DCC: variants seen among roughly 807,000 people sequenced by gnomAD.
DCC encodes netrin receptor DCC.
Under a neutral mutation model 172.5 loss-of-function variants are expected in DCC, and 58 were observed. The observed-to-expected ratio is 0.34, with a 90% CI of 0.27 to 0.42. DCC has a LOEUF of 0.42. Among genes scored for constraint, DCC ranks in the 10% least tolerant of loss-of-function variants. The pLI, the probability that DCC is intolerant of heterozygous loss-of-function variation, is 1.00. For missense variants in DCC, 1,740 were observed against 1,791.0 expected (o/e 0.97, Z 0.51); for synonymous variants, 709 against 644.5 (o/e 1.10, Z -1.52).
intron 12 of DCC, among the ~76,000 whole-genome samples, chr18:53,297,194 G>A (rs1478326884): frequency 6.6e-6 from 1 of 152,180 alleles, no homozygotes; most frequent in East Asian, 1.9e-4. Context: ...ACAGAAAGCA[G>A]TGTTTTAATG....
chr18:52,431,290 A>G (rs948259066), intron 1 of DCC, among the ~76,000 whole-genome samples: 7 of 152,162 alleles, frequency 4.6e-5, no homozygotes, highest in Non-Finnish European at 1.5e-5. Flanking sequence ...GATTGATGAA[A>G]AAAAATAAGA....
intron 8 of DCC, among the ~76,000 whole-genome samples, chr18:53,166,347 G>A (rs775897084): frequency 3.9e-5 from 6 of 152,074 alleles, no homozygotes; most frequent in East Asian, 1.9e-4. Flanking sequence ...CCCAAGGGCC[G>A]TGGAAATAGG....
intron 17 of DCC, among the ~76,000 whole-genome samples, chr18:53,395,019 G>T (rs1045383830): frequency 6.6e-6 from 1 of 151,478 alleles, no homozygotes; most frequent in Non-Finnish European, 1.5e-5. Context: ...TGGGGGGGCG[G>T]GGCGCCTGTA....
intron 19 of DCC, among the ~76,000 whole-genome samples, chr18:53,407,207 G>A (rs1467935565): frequency 6.6e-6 from 1 of 152,052 alleles, no homozygotes; most frequent in Non-Finnish European, 1.5e-5. Flanking sequence ...CAATTTTCCA[G>A]TTTCATCATG....
chr18:52,639,754 G>A (rs1283059785), intron 1 of DCC, among the ~76,000 whole-genome samples: 1 of 152,032 alleles, frequency 6.6e-6, no homozygotes, highest in African/African-American at 2.4e-5. Flanking sequence ...TTCAGGACCA[G>A]ATGGATTCAC....
intron 1 of DCC, among the ~76,000 whole-genome samples, chr18:52,715,554 C>T (rs890794615): frequency 6.6e-6 from 1 of 152,130 alleles, no homozygotes; most frequent in Non-Finnish European, 1.5e-5. Flanking sequence ...ATCTGCCTGC[C>T]TCAGCCTCCC....
In DCC at chr18:53,026,070, T is replaced by C. The variant is rs180685311; in HGVS notation, c.986-37235T>C. ...TCAGGGTGATTGGTCATGGGACTCA[T>C]GTGAGTTAATAAAATAATATCCAAG... is the stretch of plus-strand genomic sequence containing the variant. On this transcript the variant is annotated intron_variant, in intron 5 of 28. Transcript: ENST00000442544. 1.4e-3 allele frequency among the ~76,000 whole-genome samples: 215 copies of C among 152,154 alleles called. 1 individual carries two copies. The highest frequency in any genetic ancestry group is 4.8e-3 in the African/African-American group (201 of 41,554).
At chr18:52,815,919 T>A (rs966990949) in intron 2 of DCC, among the ~76,000 whole-genome samples, 1 of 151,708 alleles carries the variant, frequency 6.6e-6, no homozygotes, top group Non-Finnish European at 1.5e-5. Context: ...GTTTGCACAT[T>A]TACAACAGAG....
chr18:53,098,303 A>G lies in DCC; in HGVS notation c.1261+32137A>G, dbSNP rs567729997. Among the ~76,000 whole-genome samples the G allele has an allele frequency of 6.6e-5, 10 of 152,300 alleles. No individual in the cohort carries two copies. In the East Asian group the frequency reaches 1.2e-3, roughly 18 times the overall value. On this transcript the variant is annotated intron_variant, in intron 7 of 28. Coordinates refer to ENST00000442544, the MANE Select transcript of DCC (RefSeq NM_005215.4). ...AAGAATTCTTATGTTCTCTTTTTAC[A>G]GAGACCTTACTAAGATTTTGCCGAT...
At chr18:53,096,545 A>G (rs988044276) in intron 7 of DCC, among the ~76,000 whole-genome samples, 2 of 152,258 alleles carry the variant, frequency 1.3e-5, no homozygotes, top group Admixed American at 1.3e-4. Flanking sequence ...GTGTGATTCC[A>G]TGGGAGACTC....
intron 1 of DCC, among the ~76,000 whole-genome samples, chr18:52,684,276 G>C (rs76300430): frequency 6.6e-6 from 1 of 152,068 alleles, no homozygotes; most frequent in Non-Finnish European, 1.5e-5. Context: ...TGAATAAGTC[G>C]TGGGGTTAGC....
At chr18:52,664,624 C>T (rs1415077629) in intron 1 of DCC, among the ~76,000 whole-genome samples, 1 of 151,724 alleles carries the variant, frequency 6.6e-6, no homozygotes, top group Non-Finnish European at 1.5e-5. Context: ...GCGCCCGCCA[C>T]CATGCCCGGC....
At chr18:52,925,085 A>G (rs561632481) in intron 4 of DCC, 149 bp from the exon 5 acceptor site, 8 of 762,552 alleles carry the variant, frequency 1.0e-5, no homozygotes, top group Non-Finnish European at 1.5e-5. Context: ...TTTTGGATCA[A>G]TAAGTGAGAC....
chr18:52,896,658 T>C (rs916594692), intron 2 of DCC, among the ~76,000 whole-genome samples: 1 of 152,118 alleles, frequency 6.6e-6, no homozygotes, highest in Non-Finnish European at 1.5e-5. Flanking sequence ...CTGGAGGAAA[T>C]AAAGTTATTA....
chr18:52,498,608 A>G (rs1459154089), intron 1 of DCC, among the ~76,000 whole-genome samples: 1 of 152,160 alleles, frequency 6.6e-6, no homozygotes, highest in African/African-American at 2.4e-5. Context: ...TGGGACACAG[A>G]GCGAGACTCT....
In DCC at chr18:53,199,902, T is replaced by C. The variant is rs542746394; in HGVS notation, c.1574-5314T>C. Among the ~76,000 whole-genome samples, 3 of 152,196 alleles carry C rather than the reference T, an allele frequency of 2.0e-5. No homozygotes were observed. In the East Asian group the frequency reaches 5.8e-4, roughly 29 times the overall value. On this transcript the variant is annotated intron_variant, in intron 9 of 28. Coordinates refer to ENST00000442544, the MANE Select transcript of DCC (RefSeq NM_005215.4). ...TTAACATATGAGAATAATTTGAAAA[T>C]CAGATCATAAAATAAATTTTACAAC... is the stretch of plus-strand genomic sequence containing the variant.
At chr18:53,475,572 C>T (rs1397888608) in intron 25 of DCC, among the ~76,000 whole-genome samples, 3 of 152,200 alleles carry the variant, frequency 2.0e-5, no homozygotes, top group African/African-American at 7.2e-5. Flanking sequence ...GGTGTTGAGC[C>T]TTCCAGTGCA....
intron 1 of DCC, among the ~76,000 whole-genome samples, chr18:52,415,400 C>T (rs534106155): frequency 9.4e-4 from 143 of 152,214 alleles, no homozygotes; most frequent in Non-Finnish European, 1.5e-3. Context: ...ACATGAAGTA[C>T]AAAAAGCCAA....
At chr18:53,024,881 TA>T (rs1318433242) in intron 5 of DCC, among the ~76,000 whole-genome samples, 1 of 152,118 alleles carries the variant, frequency 6.6e-6, no homozygotes, top group Non-Finnish European at 1.5e-5. Flanking sequence ...ATGTTAAAAA[TA>T]AAACACTCTA....
Sources: allele counts gnomAD v4.1 joint callset (sites outside exome capture counted in the v4.1 genomes callset), GRCh38; gene constraint gnomAD v4.1.1; transcripts MANE v1.5; gene names NCBI Gene and HGNC (gene_info 2026-07-23, HGNC 2026-07-21).